The following CSMD3 variants were observed in gnomAD, a reference collection of about 807,000 sequenced individuals.
CSMD3 encodes CUB and Sushi multiple domains 3, also known as CUB and sushi domain-containing protein 3.
CSMD3 carries 177 observed loss-of-function variants against 435.2 expected under a neutral mutation model. The ratio of observed to expected loss-of-function variants is 0.41; its 90% CI spans 0.36 to 0.46. CSMD3 has a LOEUF of 0.46. Among genes scored for constraint, CSMD3 ranks in the 20% least tolerant of loss-of-function variants. The probability of loss-of-function intolerance (pLI) is 0.34; values close to 1 mark genes in which losing one functional copy is unlikely to be tolerated. For missense variants in CSMD3, 4,265 were observed against 4,504.6 expected (o/e 0.95, Z 1.52); for synonymous variants, 1,656 against 1,520.5 (o/e 1.09, Z -2.07).
intron 4 of CSMD3, among the ~76,000 whole-genome samples, chr8:113,172,001 T>C (rs1039972802): frequency 5.3e-4 from 81 of 152,154 alleles, no homozygotes; most frequent in African/African-American, 1.9e-3. Context: ...TCATCTCTTA[T>C]AATACCATTT....
At chr8:113,008,593 T>C (rs955136581) in intron 6 of CSMD3, among the ~76,000 whole-genome samples, 2 of 151,686 alleles carry the variant, frequency 1.3e-5, no homozygotes, top group Non-Finnish European at 2.9e-5. Flanking sequence ...TAGTGAAAAA[T>C]ACTTTTCATT....
At chr8:112,736,706 T>A (rs1420690064) in intron 13 of CSMD3, among the ~76,000 whole-genome samples, 2 of 152,026 alleles carry the variant, frequency 1.3e-5, no homozygotes, top group Non-Finnish European at 1.5e-5. Flanking sequence ...CCTGCTGGGC[T>A]GTGAGATAGA....
chr8:112,438,151 T>C (rs1993207), intron 32 of CSMD3, among the ~76,000 whole-genome samples: 30,865 of 152,040 alleles, frequency 0.2, 3,819 homozygotes, highest in East Asian at 0.39. Context: ...ACCTTGAAAT[T>C]TTCATAGCAT....
chr8:112,655,324 C>T (rs2075230088), intron 18 of CSMD3, among the ~76,000 whole-genome samples: 1 of 151,838 alleles, frequency 6.6e-6, no homozygotes, highest in Non-Finnish European at 1.5e-5. Context: ...TTTAATAACC[C>T]TCTTAAGTGT....
intron 3 of CSMD3, among the ~76,000 whole-genome samples, chr8:113,255,926 G>T (rs1452795630): frequency 1.3e-5 from 2 of 151,852 alleles, no homozygotes; most frequent in East Asian, 1.9e-4. Flanking sequence ...AATTAAAGGA[G>T]AAATAAAGTA....
intron 22 of CSMD3, among the ~76,000 whole-genome samples, chr8:112,622,755 T>C (rs1460539312): frequency 6.6e-6 from 1 of 152,178 alleles, no homozygotes; most frequent in Non-Finnish European, 1.5e-5. Context: ...TGGTCTCATT[T>C]GTATACTGGA....
At chr8:113,377,081 AGCTGGC>A in intron 1 of CSMD3, 1 of 1,298,546 alleles carries the variant, frequency 7.7e-7, no homozygotes, top group African/African-American at 1.5e-5. Flanking sequence ...ACTTTTCGCC[AGCTGGC>A]GCTGGACTCC....
At position 112,698,305 on chromosome 8, in the gene CSMD3, T is replaced by C. The variant is rs760050473; in HGVS notation, c.1973-8255A>G. The stretch of plus-strand genomic sequence containing the variant: ...AAATCGTGTGAACTCAAGTTTAAAA[T>C]ATGAATATAACTAGATATAAATGGG... On this transcript the variant is annotated intron_variant, in intron 13 of 70. Coordinates refer to ENST00000297405, the MANE Select transcript of CSMD3 (RefSeq NM_198123.2). Among the ~76,000 whole-genome samples, 6 of 152,112 alleles carry C rather than the reference T, an allele frequency of 3.9e-5. No homozygotes were observed. In the South Asian group the frequency reaches 8.3e-4, roughly 21 times the overall value.
chr8:112,760,061 C>T (rs986930117), intron 13 of CSMD3, among the ~76,000 whole-genome samples: 1 of 152,060 alleles, frequency 6.6e-6, no homozygotes, highest in Non-Finnish European at 1.5e-5. Flanking sequence ...CATGTGACTC[C>T]AGTACTAAAT....
chr8:112,528,913 C>T (rs1305456637), intron 27 of CSMD3, among the ~76,000 whole-genome samples: 1 of 152,008 alleles, frequency 6.6e-6, no homozygotes, highest in African/African-American at 2.4e-5. Context: ...TCTTGCCAGT[C>T]TTGGATCTCT....
intron 13 of CSMD3, among the ~76,000 whole-genome samples, chr8:112,762,915 G>A (rs1427293969): frequency 7.9e-5 from 12 of 151,722 alleles, no homozygotes; most frequent in Non-Finnish European, 3.0e-5. Context: ...GCGATGGTGT[G>A]TTGGGAAGAT....
intron 31 of CSMD3, among the ~76,000 whole-genome samples, chr8:112,478,613 C>T (rs953561768): frequency 6.6e-5 from 10 of 152,040 alleles, no homozygotes; most frequent in East Asian, 1.9e-4. Context: ...AGCAGCAAAC[C>T]GTTCAAGAGG....
chr8:112,846,283 T>TTC (rs758394405), intron 11 of CSMD3, among the ~76,000 whole-genome samples: 2 of 150,748 alleles, frequency 1.3e-5, no homozygotes, highest in Admixed American at 6.6e-5. Flanking sequence ...CTTTCTTTCC[T>TTC]TCTCTCTCTC....
intron 10 of CSMD3, among the ~76,000 whole-genome samples, chr8:112,913,569 G>A (rs1212282047): frequency 7.9e-5 from 12 of 151,614 alleles, no homozygotes; most frequent in Admixed American, 1.3e-4. Flanking sequence ...AACTCTTGGC[G>A]CCCACCCTTG....
rs540722448 is a variant in CSMD3, at chr8:112,778,613, G to A, written c.1972+21549C>T. On this transcript the variant is annotated intron_variant, in intron 13 of 70. Coordinates refer to ENST00000297405, the MANE Select transcript of CSMD3 (RefSeq NM_198123.2). ...AAGACATTCTGGTTGCTTCCAAATTGACAAATATGGATAAAGCTGCTGTAA... is the reference window on the plus strand; with the variant it reads ...AAGACATTCTGGTTGCTTCCAAATTAACAAATATGGATAAAGCTGCTGTAA... 1.2e-3 allele frequency among the ~76,000 whole-genome samples: 184 copies of A among 151,906 alleles called. 1 individual carries two copies. Among genetic ancestry groups the A allele is most frequent in the African/African-American group, 4.1e-3 (171 of 41,482 alleles).
chr8:112,876,659 A>G (rs1197478014), intron 10 of CSMD3, among the ~76,000 whole-genome samples: 2 of 151,800 alleles, frequency 1.3e-5, no homozygotes, highest in Non-Finnish European at 2.9e-5. Context: ...CTCTCAATAA[A>G]CTAGGTATGC....
At chr8:112,895,839 G>A (rs2081935176) in intron 10 of CSMD3, among the ~76,000 whole-genome samples, 1 of 151,426 alleles carries the variant, frequency 6.6e-6, no homozygotes, top group Non-Finnish European at 1.5e-5. Context: ...TAGTTTGCAA[G>A]TGATAAAGTC....
chr8:112,846,457 G>A (rs750961934), intron 11 of CSMD3, among the ~76,000 whole-genome samples: 10 of 151,360 alleles, frequency 6.6e-5, no homozygotes, highest in Non-Finnish European at 1.2e-4. Context: ...AGGCTGGAAT[G>A]CAGCAGCAGG....
intron 22 of CSMD3, among the ~76,000 whole-genome samples, chr8:112,602,453 C>T (rs1832435123): frequency 1.3e-5 from 2 of 151,592 alleles, no homozygotes; most frequent in Non-Finnish European, 2.9e-5. Flanking sequence ...GTAATCCCAG[C>T]TATTCAGGAG....
Sources: gnomAD v4.1 joint callset for allele counts (sites outside exome capture counted in the v4.1 genomes callset) on GRCh38, gnomAD v4.1.1 for gene constraint, MANE v1.5 for transcripts, NCBI Gene and HGNC (gene_info 2026-07-23, HGNC 2026-07-21) for gene names.